CCDC170: variants seen among roughly 807,000 people sequenced by gnomAD.
CCDC170 encodes coiled-coil domain containing 170.
A neutral mutation model predicts 72.6 loss-of-function variants in CCDC170; 69 were observed. The observed-to-expected ratio is 0.95, with a 90% CI of 0.78 to 1.16. The LOEUF is 1.16. Ranked by LOEUF, CCDC170 falls within the 50% of genes most tolerant of loss-of-function variation. The pLI, the probability that CCDC170 is intolerant of heterozygous loss-of-function variation, is 0.00. For missense variants in CCDC170, 852 were observed against 832.5 expected (o/e 1.02, Z -0.29); for synonymous variants, 300 against 303.9 (o/e 0.99, Z 0.13).
chr6:151,496,123 A>T (rs1374324346), intron 1 of CCDC170, among the ~76,000 whole-genome samples: 1 of 151,916 alleles, frequency 6.6e-6, no homozygotes, highest in Non-Finnish European at 1.5e-5. Flanking sequence ...AGTCCAGGTC[A>T]TTCGTTTTAT....
chr6:151,596,733 A>C (rs945630598), intron 9 of CCDC170, 156 bp downstream of exon 9: 3 of 1,029,204 alleles, frequency 2.9e-6, no homozygotes, highest in Non-Finnish European at 4.1e-6. Flanking sequence ...AAATGACACA[A>C]ATCAGGGTAC....
At chr6:151,595,850 T>C (rs1229054378) in intron 8 of CCDC170, among the ~76,000 whole-genome samples, 1 of 152,042 alleles carries the variant, frequency 6.6e-6, no homozygotes, top group East Asian at 1.9e-4. Flanking sequence ...TCCACTCTCA[T>C]GTTGGGGGCC....
intron 5 of CCDC170, among the ~76,000 whole-genome samples, chr6:151,570,710 C>T (rs1042355878): frequency 6.6e-6 from 1 of 152,156 alleles, no homozygotes; most frequent in Non-Finnish European, 1.5e-5. Flanking sequence ...AATTTATTAT[C>T]ACCTTTACTG....
chr6:151,599,239 A>G (rs1408436257), intron 9 of CCDC170, among the ~76,000 whole-genome samples: 1 of 152,202 alleles, frequency 6.6e-6, no homozygotes, highest in Non-Finnish European at 1.5e-5. Flanking sequence ...ACCCATAGGG[A>G]GGTGCTTTCA....
intron 6 of CCDC170, among the ~76,000 whole-genome samples, chr6:151,580,860 T>A (rs1776369929): frequency 6.6e-6 from 1 of 152,202 alleles, no homozygotes; most frequent in Admixed American, 6.5e-5. Context: ...AGTGTCACAA[T>A]AAAGTGAGTC....
At chr6:151,531,697 A>C (rs1378687776) in intron 1 of CCDC170, among the ~76,000 whole-genome samples, 1 of 152,220 alleles carries the variant, frequency 6.6e-6, no homozygotes, top group Non-Finnish European at 1.5e-5. Context: ...GTAGTTTATA[A>C]AGGAAAGAGG....
chr6:151,588,312 CA>C (rs777656584), intron 7 of CCDC170, among the ~76,000 whole-genome samples: 28 of 136,664 alleles, frequency 2.0e-4, no homozygotes, highest in East Asian at 1.1e-3. Context: ...CTAAAACAAA[CA>C]AACAACAACA....
At position 151,614,834 on chromosome 6, in the gene CCDC170, T is replaced by C. The variant is rs1017372375; in HGVS notation, c.1711-609T>C. On this transcript the variant is annotated intron_variant, in intron 9 of 10. Transcript: ENST00000239374. ...GAATGTGCCTCACCCTCCAGCATACTGTGTGTTTTGGCTTTAAGATCTTGG... is the reference window on the plus strand; with the variant it reads ...GAATGTGCCTCACCCTCCAGCATACCGTGTGTTTTGGCTTTAAGATCTTGG... 8.5e-5 allele frequency among the ~76,000 whole-genome samples: 13 copies of C among 152,258 alleles called. No individual in the cohort carries two copies. The East Asian group carries it at 2.5e-3, about 29-fold the overall frequency.
At chr6:151,570,467 AAAC>A (rs1233739924) in intron 5 of CCDC170, among the ~76,000 whole-genome samples, 1 of 152,372 alleles carries the variant, frequency 6.6e-6, no homozygotes, top group Middle Eastern at 3.4e-3. Context: ...ATACAAATAA[AAAC>A]AACACATGAT....
intron 1 of CCDC170, among the ~76,000 whole-genome samples, chr6:151,521,104 G>A (rs929924806): frequency 6.6e-5 from 10 of 152,306 alleles, no homozygotes; most frequent in Non-Finnish European, 1.3e-4. Flanking sequence ...CTATGAAGGT[G>A]TGCATGCTGT....
chr6:151,582,248 A>C (rs1776388425), intron 6 of CCDC170, among the ~76,000 whole-genome samples: 1 of 152,232 alleles, frequency 6.6e-6, no homozygotes, highest in Admixed American at 6.5e-5. Context: ...CAATGATCTT[A>C]GCTAGATCTT....
At chr6:151,495,326 C>G (rs1169640133) in intron 1 of CCDC170, among the ~76,000 whole-genome samples, 2 of 151,904 alleles carry the variant, frequency 1.3e-5, no homozygotes, top group Non-Finnish European at 2.9e-5. Context: ...TCATATTTGA[C>G]TTTATTAATT....
At chr6:151,564,061 A>T (rs762514642) in intron 5 of CCDC170, among the ~76,000 whole-genome samples, 8 of 152,174 alleles carry the variant, frequency 5.3e-5, no homozygotes, top group Non-Finnish European at 1.0e-4. Flanking sequence ...CTTTGGAGGC[A>T]TCATATTTCC....
At chr6:151,505,900 C>T (rs1291652361) in intron 1 of CCDC170, among the ~76,000 whole-genome samples, 4 of 152,190 alleles carry the variant, frequency 2.6e-5, no homozygotes, top group African/African-American at 9.6e-5. Flanking sequence ...AGTTTAAGAC[C>T]AGCCTGAGCA....
At chr6:151,596,896 G>A (rs1191141403) in intron 9 of CCDC170, among the ~76,000 whole-genome samples, 1 of 152,102 alleles carries the variant, frequency 6.6e-6, no homozygotes, top group Non-Finnish European at 1.5e-5. Context: ...ACGTGATCTT[G>A]GCTCACCACA....
chr6:151,536,895 G>A (rs1782597743), intron 2 of CCDC170, among the ~76,000 whole-genome samples: 1 of 151,934 alleles, frequency 6.6e-6, no homozygotes. Context: ...GTTCTCTTGT[G>A]CCTATCCCCT....
chr6:151,604,752 C>G (rs6915274), intron 9 of CCDC170, among the ~76,000 whole-genome samples: 65,402 of 151,954 alleles, frequency 0.43, 16,604 homozygotes, highest in Non-Finnish European at 0.58. Context: ...ACACCTTTTT[C>G]TTTCATTTTT....
intron 5 of CCDC170, among the ~76,000 whole-genome samples, chr6:151,568,484 C>T (rs1776171006): frequency 6.6e-6 from 1 of 152,136 alleles, no homozygotes; most frequent in Non-Finnish European, 1.5e-5. Context: ...TCACTGTTGA[C>T]TCAACACTTT....
At chr6:151,521,873 C>T (rs1782321682) in intron 1 of CCDC170, among the ~76,000 whole-genome samples, 1 of 151,658 alleles carries the variant, frequency 6.6e-6, no homozygotes, top group Non-Finnish European at 1.5e-5. Flanking sequence ...GTAGTCCCAG[C>T]TACTCAGGAG....
Sources: gnomAD v4.1 joint callset for allele counts (sites outside exome capture counted in the v4.1 genomes callset) on GRCh38, gnomAD v4.1.1 for gene constraint, MANE v1.5 for transcripts, NCBI Gene and HGNC (gene_info 2026-07-23, HGNC 2026-07-21) for gene names.